The following IRF8 variants were observed in gnomAD, a reference collection of about 807,000 sequenced individuals.
IRF8 encodes interferon regulatory factor 8, also known as interferon consensus sequence binding protein 1.
A neutral mutation model predicts 48.7 loss-of-function variants in IRF8; 14 were observed. The observed-to-expected ratio is 0.29, with a 90% CI of 0.19 to 0.45. The LOEUF is 0.45. Among genes scored for constraint, IRF8 ranks in the 20% least tolerant of loss-of-function variants. IRF8 has a pLI of 1.00. For synonymous variants in IRF8, 278 were observed against 227.3 expected (o/e 1.22, Z -2.01); for missense variants, 493 against 580.7 (o/e 0.85, Z 1.55).
chr16:85,900,178 G>A, intron 1 of IRF8, among the ~76,000 whole-genome samples: 1 of 152,158 alleles, frequency 6.6e-6, no homozygotes, highest in East Asian at 1.9e-4. Flanking sequence ...CAGAGCGAGT[G>A]CCCTGGGCCC....
rs532304063 is a variant in IRF8 at position 85,921,420 on chromosome 16, A to G, written c.*138A>G. 61 of 915,806 alleles carry G rather than the reference A, an allele frequency of 6.7e-5. No individual in the cohort carries two copies. Among genetic ancestry groups the G allele is most frequent in the Admixed American group, 1.8e-4 (10 of 54,080 alleles). 56.7% of individuals were successfully genotyped at this position (915,806 alleles called of 1,614,324 possible). On this transcript the variant is annotated 3_prime_UTR_variant, in exon 9 of 9. Transcript: ENST00000268638. Reference sequence around the variant, plus strand: ...ACTTTGCACTTAATTTAATAAGGGCATTCTCGGAGGAGTAGACGTTTAATA... The same window carrying G: ...ACTTTGCACTTAATTTAATAAGGGCGTTCTCGGAGGAGTAGACGTTTAATA...
chr16:85,905,153 AC>A (rs1480884148), intron 2 of IRF8, among the ~76,000 whole-genome samples: 2 of 152,076 alleles, frequency 1.3e-5, no homozygotes, highest in African/African-American at 4.8e-5. Flanking sequence ...CCCATTAAGA[AC>A]CCTGATAAGA....
At position 85,911,434 on chromosome 16, in the gene IRF8, C is replaced by T. The variant is rs1442300532; in HGVS notation, c.359-136C>T. 128 of 753,796 alleles carry T rather than the reference C, an allele frequency of 1.7e-4. 1 individual carries two copies. In the East Asian group the frequency reaches 3.5e-3, roughly 21 times the overall value. The allele number at this position is 753,796 out of a possible 1,614,324, so 46.7% of individuals were successfully genotyped here. A position where few individuals can be genotyped will look rare whatever the true frequency, so the allele number is the denominator to read the frequency against. On this transcript the variant is annotated intron_variant, in intron 3 of 8. Transcript: ENST00000268638. ...TGAAGCATGGGAAAAAAATTCTGTG[C>T]CTTTCCCAAACCAATGAAGACACTC... is the stretch of plus-strand genomic sequence containing the variant.
rs755555074 is a variant in IRF8, at chr16:85,914,479, C to G, written c.560C>G (p.Pro187Arg). ...TTTTCTGTTTCTCCTGCAGGCGTGCCGCTGGTGACGGGGTACACCACCTAC... is the reference window on the plus strand; with the variant it reads ...TTTTCTGTTTCTCCTGCAGGCGTGCGGCTGGTGACGGGGTACACCACCTAC... ...WWAQQPSTGV[P>R]LVTGYTTYDA... The change falls in exon 6 of 9, where the codon CCG becomes CGG. Residue 187 changes from proline to arginine, a missense_variant. Around this residue, in one of 3 missense-constraint regions of IRF8, gnomAD observed 408 missense variants for 449.6 expected, o/e 0.91. Transcript: ENST00000268638. The G allele has an allele frequency of 1.4e-5, 22 of 1,613,986 alleles. No individual in the cohort carries two copies. In the East Asian group the frequency reaches 4.7e-4, roughly 34 times the overall value.
At chr16:85,918,242 C>A in intron 6 of IRF8, 175 bp from the exon 7 acceptor site, 1 of 664,348 alleles carries the variant, frequency 1.5e-6, no homozygotes, top group Non-Finnish European at 2.5e-6. Context: ...TGTATTTATT[C>A]ATGCATATAA....
chr16:85,912,417 T>C (rs145588450), intron 4 of IRF8, among the ~76,000 whole-genome samples: 4 of 152,338 alleles, frequency 2.6e-5, no homozygotes, highest in African/African-American at 9.6e-5. Flanking sequence ...ATAGCAATAA[T>C]GGAATCCTTA....
chr16:85,903,363 T>C, intron 2 of IRF8, 174 bp downstream of exon 2: 1 of 641,348 alleles, frequency 1.6e-6, no homozygotes, highest in East Asian at 2.8e-5. Context: ...ATGAGCTGAT[T>C]TCACATCTTT....
chr16:85,916,515 G>C (rs1359401881), intron 6 of IRF8, among the ~76,000 whole-genome samples: 1 of 152,216 alleles, frequency 6.6e-6, no homozygotes, highest in Non-Finnish European at 1.5e-5. Context: ...TCAGGTACAA[G>C]CCTGACAGCT....
Position 85,911,802 on chromosome 16 carries a change from C to A in IRF8, c.447+144C>A. 3 of 715,668 alleles carry A rather than the reference C, an allele frequency of 4.2e-6. No individual in the cohort carries two copies. The South Asian group carries it at 4.5e-5, about 11-fold the overall frequency. The allele number at this position is 715,668 out of a possible 1,614,324, so 44.3% of individuals were successfully genotyped here. On this transcript the variant is annotated intron_variant, in intron 4 of 8. Coordinates refer to ENST00000268638, the MANE Select transcript of IRF8 (RefSeq NM_002163.4). ...AAGTGGCATCTCCACCTGTACAGATCTGGAACGGAAGGACTGGCTGGGCGC... is the reference window on the plus strand; with the variant it reads ...AAGTGGCATCTCCACCTGTACAGATATGGAACGGAAGGACTGGCTGGGCGC...
At position 85,911,583 on chromosome 16, in the gene IRF8, G is replaced by T; in HGVS notation, c.372G>T (p.Val124=). The stretch of plus-strand genomic sequence containing the variant: ...GGTTTTCTGTAGGCAAACTAGGCGT[G>T]GCAACTGCTGGCTGCGTGAATGAAG... ...PEEEQKCKLG[V]ATAGCVNEVT... The change falls in exon 4 of 9, where the codon GTG becomes GTT. Residue 124 remains valine (V), a synonymous_variant. Coordinates refer to ENST00000268638, the MANE Select transcript of IRF8 (RefSeq NM_002163.4). 1 of 1,614,048 alleles carries T rather than the reference G, an allele frequency of 6.2e-7. No individual in the cohort carries two copies. The highest frequency in any genetic ancestry group is 8.5e-7 in the Non-Finnish European group (1 of 1,179,932).
intron 1 of IRF8, among the ~76,000 whole-genome samples, chr16:85,899,536 T>G (rs542032446): frequency 1.3e-5 from 2 of 152,294 alleles, no homozygotes; most frequent in South Asian, 2.1e-4. Context: ...TGAACGGCAA[T>G]AGCAACCCCC....
intron 2 of IRF8, among the ~76,000 whole-genome samples, chr16:85,905,658 TGAGAGGCCTGTCTCTGTGAC>T: frequency 6.6e-6 from 1 of 152,244 alleles, no homozygotes; most frequent in East Asian, 1.9e-4. Flanking sequence ...ATCCATCCTC[TGAGAGGCCTGTCTCTGTGAC>T]GTTGGCCGGA....
intron 5 of IRF8, chr16:85,914,245 T>C (rs1905229167): frequency 1.7e-6 from 1 of 589,060 alleles, no homozygotes. Flanking sequence ...TCCCACAGCA[T>C]AGAGGAAGTC....
intron 1 of IRF8, 62 bp from the exon 2 acceptor site, chr16:85,902,953 G>C (rs1296337094): frequency 6.3e-7 from 1 of 1,582,212 alleles, no homozygotes; most frequent in Non-Finnish European, 8.7e-7. Flanking sequence ...GCAGTTTTTG[G>C]GTTGCTGTGA....
chr16:85,916,876 C>T (rs1478566137), intron 6 of IRF8, among the ~76,000 whole-genome samples: 2 of 151,948 alleles, frequency 1.3e-5, no homozygotes, highest in Non-Finnish European at 2.9e-5. Context: ...CAGGGAAGAG[C>T]GAGACCAGTG....
In IRF8 at chr16:85,918,402, C is replaced by T. The variant is rs1448807848; in HGVS notation, c.602-15C>T. 3.8e-6 allele frequency: 6 copies of T among 1,594,102 alleles called. No homozygotes were observed. The highest frequency in any genetic ancestry group is 5.1e-6 in the Non-Finnish European group (6 of 1,177,976). Reference sequence around the variant, plus strand: ...TCTCCCCGCAGCACCGTCATCGTGTCCCTCTTGTCCACAGCATTCTCCCAG... The same window carrying T: ...TCTCCCCGCAGCACCGTCATCGTGTTCCTCTTGTCCACAGCATTCTCCCAG... On this transcript the variant is annotated splice_polypyrimidine_tract_variant and intron_variant, in intron 6 of 8. Coordinates refer to ENST00000268638, the MANE Select transcript of IRF8 (RefSeq NM_002163.4).
At chr16:85,920,027 C>T (rs1171374032) in intron 7 of IRF8, 82 bp from the exon 8 acceptor site, 9 of 1,037,840 alleles carry the variant, frequency 8.7e-6, no homozygotes, top group Non-Finnish European at 1.3e-5. Context: ...CCTGGGCCTC[C>T]TGATCCCCCA....
chr16:85,921,071 G>A (rs762047885), intron 8 of IRF8, 35 bp from the exon 9 acceptor site: 26 of 1,587,312 alleles, frequency 1.6e-5, no homozygotes, highest in Admixed American at 7.1e-5. Flanking sequence ...TGGAGCCTCC[G>A]CCTCTGCCTC....
chr16:85,915,118 G>GAGCCCTGGTCACA (rs1555509552), intron 6 of IRF8, among the ~76,000 whole-genome samples: 1 of 62,842 alleles, frequency 1.6e-5, no homozygotes. Flanking sequence ...GCGGGCTCAG[G>GAGCCCTGGTCACA]TAGCTTGTGT....
Sources: allele counts gnomAD v4.1 joint callset (sites outside exome capture counted in the v4.1 genomes callset), GRCh38; gene constraint gnomAD v4.1.1; regional missense constraint gnomAD v4.1.1; transcripts MANE v1.5; gene names NCBI Gene and HGNC (gene_info 2026-07-23, HGNC 2026-07-21).